Variants in SNTG2 observed in about 807,000 individuals in gnomAD.
The protein encoded by SNTG2 is gamma-2-syntrophin.
Under a neutral mutation model 70.9 loss-of-function variants are expected in SNTG2, and 74 were observed. The observed-to-expected ratio is 1.04, with a 90% CI of 0.86 to 1.27. The LOEUF is 1.27. SNTG2 is among the 50% of genes most tolerant of loss of function. The pLI, the probability that SNTG2 is intolerant of heterozygous loss-of-function variation, is 0.00. For synonymous variants in SNTG2, 278 were observed against 273.8 expected (o/e 1.02, Z -0.15); for missense variants, 717 against 690.7 (o/e 1.04, Z -0.43).
At position 1,353,547 on chromosome 2, in the gene SNTG2, C is replaced by T. The variant is rs956270703; in HGVS notation, c.1489-13796C>T. The T allele has an allele frequency of 1.3e-5, 2 of 152,250 alleles. No homozygotes were observed. The highest frequency in any genetic ancestry group is 4.8e-5 in the African/African-American group (2 of 41,452). 9.4% of individuals were successfully genotyped at this position (152,250 alleles called of 1,614,324 possible). A position where few individuals can be genotyped will look rare whatever the true frequency, so the allele number is the denominator to read the frequency against. ...GCTTTGAGGGCCAAGTCCCCACAGC[C>T]ACCTCCTTGAATTCACGGGGCCGTC... is the stretch of plus-strand genomic sequence containing the variant. On this transcript the variant is annotated intron_variant, in intron 16 of 16. Transcript: ENST00000308624. The surrounding 1 kb of genome is among the most constrained non-coding windows in gnomAD (Gnocchi z 4.2).
intron 1 of SNTG2, among the ~76,000 whole-genome samples, chr2:1,050,483 AT>A (rs35858389): frequency 8.0e-5 from 12 of 149,574 alleles, no homozygotes; most frequent in South Asian, 2.1e-4. Context: ...GCATATGTGG[AT>A]TTTTTTTTTG....
chr2:1,309,662 G>A (rs13430480), intron 15 of SNTG2, among the ~76,000 whole-genome samples: 2,124 of 152,384 alleles, frequency 0.014, 47 homozygotes, highest in African/African-American at 0.047. Context: ...TAGGGCCATG[G>A]ACTACTTCCT....
intron 6 of SNTG2, among the ~76,000 whole-genome samples, chr2:1,144,102 G>A (rs1265964088): frequency 2.6e-5 from 4 of 151,994 alleles, no homozygotes; most frequent in East Asian, 3.9e-4. Context: ...CTTCAAAAAC[G>A]GTTGACATCT....
chr2:1,111,163 G>A (rs1666414137), intron 4 of SNTG2, among the ~76,000 whole-genome samples: 1 of 152,172 alleles, frequency 6.6e-6, no homozygotes, highest in African/African-American at 2.4e-5. Context: ...ATCAATGAAA[G>A]GCATGGTTTT....
chr2:1,019,156 G>C (rs1660015613), intron 1 of SNTG2, among the ~76,000 whole-genome samples: 1 of 152,166 alleles, frequency 6.6e-6, no homozygotes, highest in Admixed American at 6.5e-5. Flanking sequence ...GGGACGTCAT[G>C]GTGTGTATTG....
At chr2:1,122,089 A>T (rs1344260336) in intron 4 of SNTG2, among the ~76,000 whole-genome samples, 1 of 152,246 alleles carries the variant, frequency 6.6e-6, no homozygotes, top group Non-Finnish European at 1.5e-5. Flanking sequence ...GACCAAAACC[A>T]AATAGGGACA....
At chr2:1,074,876 G>T (rs985291186) in intron 1 of SNTG2, among the ~76,000 whole-genome samples, 4 of 152,186 alleles carry the variant, frequency 2.6e-5, no homozygotes, top group African/African-American at 9.6e-5. Context: ...ATAGTTTTTA[G>T]GAATGTATCC....
intron 16 of SNTG2, among the ~76,000 whole-genome samples, chr2:1,352,381 C>T (rs1407182960): frequency 1.3e-5 from 2 of 152,166 alleles, no homozygotes; most frequent in Non-Finnish European, 2.9e-5. Flanking sequence ...GCCCCCTGAG[C>T]TCCTTTGGAC....
intron 14 of SNTG2, among the ~76,000 whole-genome samples, chr2:1,296,852 G>A (rs1680240631): frequency 6.6e-6 from 1 of 152,210 alleles, no homozygotes; most frequent in South Asian, 2.1e-4. Flanking sequence ...TTGCTGGGCT[G>A]ACAATAAATT....
chr2:1,085,302 T>C (rs954351328), intron 2 of SNTG2, among the ~76,000 whole-genome samples: 4 of 152,222 alleles, frequency 2.6e-5, no homozygotes, highest in African/African-American at 9.7e-5. Flanking sequence ...TTATGCTGTA[T>C]TGGCTAGAAA....
At chr2:1,209,047 C>T (rs768813804) in intron 8 of SNTG2, 56 bp from the exon 9 acceptor site, 10 of 1,597,228 alleles carry the variant, frequency 6.3e-6, no homozygotes, top group African/African-American at 1.3e-5. Flanking sequence ...GATGCCTCTC[C>T]CCGCATGCAG....
intron 1 of SNTG2, among the ~76,000 whole-genome samples, chr2:1,047,951 T>C (rs766602716): frequency 7.2e-5 from 11 of 152,206 alleles, no homozygotes; most frequent in Non-Finnish European, 1.6e-4. Flanking sequence ...AACCAGGTGC[T>C]GTTCAACAGA....
At chr2:1,308,615 C>A (rs956169928) in intron 15 of SNTG2, 29 bp downstream of exon 15, 4 of 1,521,874 alleles carry the variant, frequency 2.6e-6, no homozygotes, top group Admixed American at 3.9e-5. Flanking sequence ...ATCCATGCCG[C>A]CCCATTGCCA....
chr2:1,079,961 CCACTGCTCACTGTGGA>C (rs1358745923), intron 1 of SNTG2, among the ~76,000 whole-genome samples: 2 of 152,172 alleles, frequency 1.3e-5, no homozygotes, highest in Admixed American at 1.3e-4. Context: ...TGGGAGTGGC[CCACTGCTCACTGTGGA>C]CGCTGCTCAC....
intron 16 of SNTG2, among the ~76,000 whole-genome samples, chr2:1,318,893 C>T (rs1284035606): frequency 2.6e-5 from 4 of 152,150 alleles, no homozygotes; most frequent in South Asian, 2.1e-4. Context: ...GCGGTGTCCC[C>T]GTGGCTTTCT....
intron 8 of SNTG2, among the ~76,000 whole-genome samples, chr2:1,197,749 G>C (rs1323545481): frequency 1.3e-5 from 2 of 151,864 alleles, no homozygotes; most frequent in South Asian, 2.1e-4. Flanking sequence ...GCCCAGGATG[G>C]TGTCAAACTC....
chr2:1,000,985 A>AT, intron 1 of SNTG2, among the ~76,000 whole-genome samples: 1 of 152,060 alleles, frequency 6.6e-6, no homozygotes, highest in Admixed American at 6.5e-5. Flanking sequence ...AACAAATGTG[A>AT]TTCGCCACGT....
At chr2:1,119,759 G>A (rs1371715314) in intron 4 of SNTG2, among the ~76,000 whole-genome samples, 3 of 151,952 alleles carry the variant, frequency 2.0e-5, no homozygotes, top group Admixed American at 6.6e-5. Context: ...GTGGAGGAAA[G>A]GGACAGAGGA....
At chr2:1,060,657 A>G (rs1189393598) in intron 1 of SNTG2, among the ~76,000 whole-genome samples, 2 of 152,260 alleles carry the variant, frequency 1.3e-5, no homozygotes, top group Non-Finnish European at 2.9e-5. Flanking sequence ...TAATTCAAAT[A>G]TGAACCTAAG....
Sources: gnomAD v4.1 joint callset for allele counts (sites outside exome capture counted in the v4.1 genomes callset) on GRCh38, gnomAD v4.1.1 for gene constraint, Gnocchi (gnomAD v3.1) non-coding constraint, MANE v1.5 for transcripts, NCBI Gene and HGNC (gene_info 2026-07-23, HGNC 2026-07-21) for gene names.